FYB1: variants seen among roughly 807,000 people sequenced by gnomAD.
The protein encoded by FYB1 is FYN binding protein 1.
Under a neutral mutation model 94.1 loss-of-function variants are expected in FYB1, and 41 were observed. That is an observed-to-expected ratio of 0.44 (90% CI 0.34 to 0.57). The LOEUF (loss-of-function observed/expected upper bound fraction) is 0.57. FYB1 is among the 20% of genes least tolerant of loss of function. The probability of loss-of-function intolerance (pLI) is 0.02; values close to 1 mark genes in which losing one functional copy is unlikely to be tolerated. For missense variants in FYB1, 1,050 were observed against 976.8 expected (o/e 1.07, Z -1.00); for synonymous variants, 367 against 353.2 (o/e 1.04, Z -0.44).
intron 2 of FYB1, among the ~76,000 whole-genome samples, chr5:39,186,670 T>G (rs1746844893): frequency 6.8e-6 from 1 of 146,812 alleles, no homozygotes; most frequent in Admixed American, 6.9e-5. Flanking sequence ...TTTTTACTAT[T>G]ATTGATCCCT....
At chr5:39,252,221 TA>T (rs1383803485) in intron 1 of FYB1, among the ~76,000 whole-genome samples, 2 of 151,926 alleles carry the variant, frequency 1.3e-5, no homozygotes, top group African/African-American at 4.8e-5. Flanking sequence ...AACAGAGTCA[TA>T]ATGTGTAATA....
At chr5:39,235,933 T>G (rs1750942134) in intron 1 of FYB1, among the ~76,000 whole-genome samples, 1 of 152,130 alleles carries the variant, frequency 6.6e-6, no homozygotes, top group Non-Finnish European at 1.5e-5. Context: ...CATTTCACTA[T>G]TGAGTACCTG....
intron 1 of FYB1, among the ~76,000 whole-genome samples, chr5:39,228,257 A>C (rs1750568670): frequency 6.6e-6 from 1 of 152,218 alleles, no homozygotes; most frequent in Admixed American, 6.5e-5. Flanking sequence ...CAAAGGCAAG[A>C]AATAGGCCTG....
rs1385181438 is a variant in FYB1 at position 39,274,023 on chromosome 5, C to T, written c.-28+380G>A. Among the ~76,000 whole-genome samples, 3 of 151,966 alleles carry T rather than the reference C, an allele frequency of 2.0e-5. No individual in the cohort carries two copies. In the East Asian group the frequency reaches 5.8e-4, roughly 29 times the overall value. On this transcript the variant is annotated intron_variant, in intron 1 of 1. Coordinates refer to the FYB1 transcript ENST00000510188. ...CACTGCAACCTCCGCCTCCCAGGTT[C>T]AAGCAATTCTCCTGCCTCAGCCTCC...
chr5:39,248,877 A>G (rs191149734), intron 1 of FYB1, among the ~76,000 whole-genome samples: 10 of 152,322 alleles, frequency 6.6e-5, no homozygotes, highest in Non-Finnish European at 1.5e-4. Flanking sequence ...TCCCCTTAGA[A>G]TGGACAAAGA....
chr5:39,142,429 C>G (rs551091666), intron 3 of FYB1, among the ~76,000 whole-genome samples: 70 of 152,260 alleles, frequency 4.6e-4, no homozygotes, highest in African/African-American at 1.6e-3. Flanking sequence ...CTTCTCTCTA[C>G]TCTCTGCACC....
chr5:39,212,048 G>A (rs1749443861), intron 1 of FYB1, among the ~76,000 whole-genome samples: 1 of 152,192 alleles, frequency 6.6e-6, no homozygotes, highest in South Asian at 2.1e-4. Flanking sequence ...GCTCAGGCCT[G>A]TAATCCCAGC....
At chr5:39,258,819 T>C (rs1015320133) in intron 1 of FYB1, among the ~76,000 whole-genome samples, 2 of 152,128 alleles carry the variant, frequency 1.3e-5, no homozygotes, top group African/African-American at 4.8e-5. Context: ...AAGATAAATC[T>C]TTCTGTTTTG....
At chr5:39,210,334 A>G (rs1226348737) in intron 1 of FYB1, among the ~76,000 whole-genome samples, 1 of 152,240 alleles carries the variant, frequency 6.6e-6, no homozygotes, top group Non-Finnish European at 1.5e-5. Flanking sequence ...AAACCACCAC[A>G]GATATCGCTG....
intron 6 of FYB1, chr5:39,138,401 G>T (rs545873933): frequency 8.2e-5 from 27 of 331,032 alleles, no homozygotes; most frequent in African/African-American, 5.6e-4. Flanking sequence ...TTCTGTCTCT[G>T]ATTCCCTGAC....
At chr5:39,227,584 T>A (rs1018548767) in intron 1 of FYB1, among the ~76,000 whole-genome samples, 3 of 152,358 alleles carry the variant, frequency 2.0e-5, no homozygotes, top group East Asian at 3.9e-4. Flanking sequence ...TTTTAATTTT[T>A]AAAAATGATA....
chr5:39,270,775 T>C, intron 1 of FYB1: 1 of 455,082 alleles, frequency 2.2e-6, no homozygotes, highest in Non-Finnish European at 3.9e-6. Context: ...GCCAGGTTTA[T>C]CTTGTTATTA....
At chr5:39,168,335 G>A (rs919613947) in intron 2 of FYB1, among the ~76,000 whole-genome samples, 3 of 152,132 alleles carry the variant, frequency 2.0e-5, no homozygotes, top group African/African-American at 7.2e-5. Context: ...TCATGACAAT[G>A]TTTGGCCTGC....
chr5:39,253,437 TCCTTGGGAAATGACAA>T (rs1456897666), intron 1 of FYB1, among the ~76,000 whole-genome samples: 1 of 152,164 alleles, frequency 6.6e-6, no homozygotes, highest in Non-Finnish European at 1.5e-5. Context: ...TCATCATGAA[TCCTTGGGAAATGACAA>T]CAACAAAATC....
At chr5:39,260,170 TG>T (rs1437027857) in intron 1 of FYB1, among the ~76,000 whole-genome samples, 1 of 152,180 alleles carries the variant, frequency 6.6e-6, no homozygotes, top group Non-Finnish European at 1.5e-5. Context: ...GATAGAGTAA[TG>T]GCTTTGAAAA....
intron 3 of FYB1, among the ~76,000 whole-genome samples, chr5:39,148,550 A>G (rs892949590): frequency 6.6e-6 from 1 of 151,478 alleles, no homozygotes; most frequent in African/African-American, 2.4e-5. Flanking sequence ...TTGAAAACTG[A>G]CTTGTTTAAG....
chr5:39,169,613 G>T (rs968635797), intron 2 of FYB1: 4 of 451,998 alleles, frequency 8.8e-6, no homozygotes, highest in African/African-American at 8.1e-5. Context: ...GGGAGGCCGA[G>T]GCGGGTGGAT....
In FYB1 at chr5:39,201,838, A is replaced by C. The variant is rs760696733; in HGVS notation, c.1123T>G (p.Ser375Ala). 7 of 1,611,676 alleles carry C rather than the reference A, an allele frequency of 4.3e-6. No individual in the cohort carries two copies. In the South Asian group the frequency reaches 7.7e-5, roughly 18 times the overall value. ...NVDLTKFHKT[S>A]SGNSTSKGQT... The stretch of plus-strand genomic sequence containing the variant: ...GAAAAGAACTCACTGTTTCCAGAAG[A>C]GGTTTTGTGGAATTTCGTCAGGTCA... Residue 375 changes from serine to alanine, a missense_variant, in exon 2 of 19, where the codon TCT (serine) becomes GCT (alanine). Transcript: ENST00000512982.
At chr5:39,149,914 C>G (rs1171926127) in intron 3 of FYB1, among the ~76,000 whole-genome samples, 1 of 152,154 alleles carries the variant, frequency 6.6e-6, no homozygotes, top group East Asian at 1.9e-4. Context: ...CTTAACCAGC[C>G]TTATGACTTT....
Sources: gnomAD v4.1 joint callset for allele counts (sites outside exome capture counted in the v4.1 genomes callset) on GRCh38, gnomAD v4.1.1 for gene constraint, MANE v1.5 for transcripts, NCBI Gene and HGNC (gene_info 2026-07-23, HGNC 2026-07-21) for gene names.